Variants in TENM2 observed in about 807,000 individuals in gnomAD.
TENM2 encodes the protein teneurin transmembrane protein 2.
Under a neutral mutation model 245.2 loss-of-function variants are expected in TENM2, and 52 were observed. The ratio of observed to expected loss-of-function variants is 0.21; its 90% CI spans 0.17 to 0.27. TENM2 has a LOEUF of 0.27. Ranked by LOEUF, TENM2 falls within the 10% of genes least tolerant of loss-of-function variation. The probability of loss-of-function intolerance (pLI) is 1.00; values close to 1 mark genes in which losing one functional copy is unlikely to be tolerated. For synonymous variants in TENM2, 1,363 were observed against 1,438.9 expected, an observed-to-expected ratio of 0.95 and a Z score of 1.19; for missense variants, 3,046 against 3,666.8, an observed-to-expected ratio of 0.83 and a Z score of 4.37.
At chr5:167,810,848 A>T (rs566172791) in intron 2 of TENM2, among the ~76,000 whole-genome samples, 9 of 152,244 alleles carry the variant, frequency 5.9e-5, no homozygotes, top group African/African-American at 2.2e-4. Context: ...GCCCTTCTCA[A>T]ATCAGATTAA....
intron 7 of TENM2, among the ~76,000 whole-genome samples, chr5:168,070,158 G>T (rs1276151113): frequency 2.0e-5 from 3 of 152,162 alleles, no homozygotes; most frequent in Non-Finnish European, 4.4e-5. Flanking sequence ...AAAACAGCAT[G>T]TGTTTTGCTA....
chr5:167,613,430 A>C (rs537387594), intron 2 of TENM2, among the ~76,000 whole-genome samples: 1 of 152,170 alleles, frequency 6.6e-6, no homozygotes, highest in African/African-American at 2.4e-5. Flanking sequence ...GAAGAAATGA[A>C]GACTCCAAAG....
intron 2 of TENM2, among the ~76,000 whole-genome samples, chr5:167,676,214 C>T (rs1756314135): frequency 6.6e-6 from 1 of 151,990 alleles, no homozygotes; most frequent in Non-Finnish European, 1.5e-5. Flanking sequence ...ATTTTTCTAC[C>T]TCTGCTATTT....
At chr5:167,148,193 A>G in the TENM2 span, among the ~76,000 whole-genome samples, 2 of 152,216 alleles carry the variant, frequency 1.3e-5, no homozygotes, top group Non-Finnish European at 2.9e-5. Flanking sequence ...CTCACCCTGC[A>G]TTGAATAAAT....
At chr5:167,308,328 A>C (rs1336581446) in intron 1 of TENM2, among the ~76,000 whole-genome samples, 1 of 152,220 alleles carries the variant, frequency 6.6e-6, no homozygotes. Flanking sequence ...CTTCTGTACA[A>C]TTGGTATCCT....
chr5:168,260,221 C>G (rs1349092225), intron 27 of TENM2, 62 bp from the exon 30 acceptor site: 12 of 1,588,396 alleles, frequency 7.6e-6, no homozygotes, highest in Non-Finnish European at 1.0e-5. Flanking sequence ...TCTCTTTAAG[C>G]TCTGCTGCTG....
rs1218763099 is a variant in TENM2, at chr5:167,286,349, G to T, written c.226+1286G>T. 2.0e-5 allele frequency among the ~76,000 whole-genome samples: 3 copies of T among 152,190 alleles called. No homozygotes were observed. In the East Asian group the frequency reaches 5.8e-4, roughly 29 times the overall value. ...GATCCTCCTCCATGAGAAAATGGGGGCAGAGGCTGCTTGAAAATTGCTCTG... is the reference window on the plus strand; with the variant it reads ...GATCCTCCTCCATGAGAAAATGGGGTCAGAGGCTGCTTGAAAATTGCTCTG... On this transcript the variant is annotated intron_variant, in intron 1 of 28. Coordinates refer to ENST00000518659, the Ensembl canonical transcript of TENM2.
At chr5:168,085,673 A>T (rs1429855089) in intron 7 of TENM2, 1 of 152,320 alleles carries the variant, frequency 6.6e-6, no homozygotes, top group Non-Finnish European at 1.5e-5. Flanking sequence ...TTTAATGAGG[A>T]ATCAGCTGGG....
intron 13 of TENM2, among the ~76,000 whole-genome samples, chr5:168,185,913 G>A (rs1760347877): frequency 1.1e-5 from 1 of 92,344 alleles, no homozygotes. Flanking sequence ...ATACCAGACT[G>A]ACATATATAT....
At chr5:167,748,302 T>A (rs1247580147) in intron 2 of TENM2, among the ~76,000 whole-genome samples, 1 of 152,198 alleles carries the variant, frequency 6.6e-6, no homozygotes, top group African/African-American at 2.4e-5. Flanking sequence ...TTGACCCATA[T>A]TAAAGGTGTC....
At chr5:167,002,064 T>C in the TENM2 span, among the ~76,000 whole-genome samples, 1 of 152,176 alleles carries the variant, frequency 6.6e-6, no homozygotes, top group Admixed American at 6.6e-5. Flanking sequence ...AAGGGATATT[T>C]TTGGACAGAC....
intron 2 of TENM2, among the ~76,000 whole-genome samples, chr5:167,465,973 G>T (rs979407745): frequency 6.6e-6 from 1 of 152,108 alleles, no homozygotes; most frequent in South Asian, 2.1e-4. Flanking sequence ...ATTGATTCTG[G>T]TTCCTAATGA....
At chr5:167,336,623 A>C (rs1463021882) in intron 1 of TENM2, among the ~76,000 whole-genome samples, 1 of 152,094 alleles carries the variant, frequency 6.6e-6, no homozygotes, top group Non-Finnish European at 1.5e-5. Context: ...ATAGTCCAGC[A>C]AACTTAAATG....
rs569612760 is a variant in TENM2, at chr5:167,640,601, G to A, written c.503-235385G>A. Among the ~76,000 whole-genome samples the A allele has an allele frequency of 3.9e-4, 56 of 143,590 alleles. 1 individual carries two copies. Among genetic ancestry groups the A allele is most frequent in the African/African-American group, 1.4e-3 (52 of 38,408 alleles). 94.2% of individuals were successfully genotyped at this position (143,590 alleles called of 152,430 possible). On this transcript the variant is annotated intron_variant, in intron 2 of 28. Transcript: ENST00000518659. Reference sequence around the variant, plus strand: ...CCACTGCACTTCAGCCTGGGTAAACGAGAGCGAAACTCCATCTCAAAAAAA... The same window carrying A: ...CCACTGCACTTCAGCCTGGGTAAACAAGAGCGAAACTCCATCTCAAAAAAA...
At chr5:167,030,670 G>T in the TENM2 span, among the ~76,000 whole-genome samples, 1 of 151,854 alleles carries the variant, frequency 6.6e-6, no homozygotes, top group Admixed American at 6.6e-5. Flanking sequence ...TCTACTCCTC[G>T]CTTCTGTCCC....
chr5:167,660,490 A>AG (rs1755138021), intron 2 of TENM2: 1 of 150,320 alleles, frequency 6.7e-6, no homozygotes, highest in Admixed American at 6.6e-5. Context: ...AAAAAAAAAA[A>AG]AAGATATTAC....
At chr5:167,618,017 C>T (rs889218764) in intron 2 of TENM2, among the ~76,000 whole-genome samples, 17 of 152,028 alleles carry the variant, frequency 1.1e-4, no homozygotes, top group African/African-American at 4.1e-4. Context: ...AGTATGGTGC[C>T]GTGCTTGGGA....
chr5:167,333,238 G>A (rs1306178352), intron 1 of TENM2, among the ~76,000 whole-genome samples: 1 of 152,078 alleles, frequency 6.6e-6, no homozygotes, highest in Non-Finnish European at 1.5e-5. Flanking sequence ...AAATGGGAGG[G>A]GGAACACTCT....
Position 167,387,493 on chromosome 5 carries a change from A to T in TENM2, c.502+12020A>T, listed in dbSNP as rs535883972. ...TGATGGTTTGACTTCCTTTTTACTG[A>T]TTTGGATACCCTTTATTTCTTTCTC... On this transcript the variant is annotated intron_variant, in intron 2 of 28. Coordinates refer to ENST00000518659, the Ensembl canonical transcript of TENM2. Among the ~76,000 whole-genome samples the T allele has an allele frequency of 1.3e-4, 20 of 152,170 alleles. No individual in the cohort carries two copies. The East Asian group carries it at 3.7e-3, about 28-fold the overall frequency.
Sources: gnomAD v4.1 joint callset for allele counts (sites outside exome capture counted in the v4.1 genomes callset) on GRCh38, gnomAD v4.1.1 for gene constraint, MANE v1.5 for transcripts, NCBI Gene and HGNC (gene_info 2026-07-23, HGNC 2026-07-21) for gene names.